The following SDC2 variants were observed in gnomAD, a reference collection of about 807,000 sequenced individuals.
The protein encoded by SDC2 is syndecan 2, also known as syndecan-2.
SDC2 carries 13 observed loss-of-function variants against 22.2 expected under a neutral mutation model. That is an observed-to-expected ratio of 0.59 (90% CI 0.38 to 0.93). The LOEUF is 0.93. SDC2 is among the 40% of genes least tolerant of loss of function. SDC2 has a pLI of 0.00. For synonymous variants in SDC2, 94 were observed against 92.8 expected, an observed-to-expected ratio of 1.01 and a Z score of -0.07; for missense variants, 235 against 246.8, an observed-to-expected ratio of 0.95 and a Z score of 0.32.
At chr8:96,593,095 A>G (rs993234062) in intron 1 of SDC2, among the ~76,000 whole-genome samples, 9 of 152,214 alleles carry the variant, frequency 5.9e-5, no homozygotes, top group African/African-American at 1.9e-4. Flanking sequence ...AGAAAGTCCT[A>G]AGTGTTTTGT....
chr8:96,504,577 A>G (rs1233795737), intron 1 of SDC2, among the ~76,000 whole-genome samples: 2 of 152,216 alleles, frequency 1.3e-5, no homozygotes, highest in African/African-American at 4.8e-5. Context: ...CTCAATAATG[A>G]CTAAAATCTT....
chr8:96,592,748 A>G (rs1393421417), intron 1 of SDC2, among the ~76,000 whole-genome samples: 1 of 152,230 alleles, frequency 6.6e-6, no homozygotes, highest in Non-Finnish European at 1.5e-5. Flanking sequence ...GTTGCCAGTA[A>G]TAGAAAAAGA....
chr8:96,594,495 T>G (rs752982357), intron 2 of SDC2, among the ~76,000 whole-genome samples: 2 of 152,174 alleles, frequency 1.3e-5, no homozygotes, highest in East Asian at 3.9e-4. Flanking sequence ...GCATCACTTT[T>G]ACTACATTTT....
chr8:96,518,186 C>T (rs908188834), intron 1 of SDC2, among the ~76,000 whole-genome samples: 1 of 151,860 alleles, frequency 6.6e-6, no homozygotes, highest in Non-Finnish European at 1.5e-5. Context: ...AGTTTTGTTT[C>T]GCTTCATGGT....
In SDC2 at chr8:96,609,528, A is replaced by G. The variant is rs757847988; in HGVS notation, c.586A>G (p.Thr196Ala). The G allele has an allele frequency of 3.1e-6, 5 of 1,598,566 alleles. No homozygotes were observed. The highest frequency in any genetic ancestry group is 1.1e-5 in the South Asian group (1 of 88,446). Reference protein sequence around the residue: ...PSSAAYQKAPTKEFYA With the variant: ...PSSAAYQKAPAKEFYA ...CAGTGCTGCTTATCAGAAGGCACCTACTAAGGAGTTTTATGCGTAAAACTC... is the reference window on the plus strand; with the variant it reads ...CAGTGCTGCTTATCAGAAGGCACCTGCTAAGGAGTTTTATGCGTAAAACTC... Residue 196 changes from threonine (T) to alanine (A), a missense_variant, in exon 5 of 5, where the codon ACT becomes GCT. Physicochemically the swap from Thr to Ala is moderately conservative, Grantham distance 58. Transcript: ENST00000302190.
intron 4 of SDC2, 139 bp from the exon 5 acceptor site, chr8:96,609,246 A>T (rs1815135905): frequency 4.7e-6 from 3 of 639,862 alleles, no homozygotes; most frequent in Non-Finnish European, 7.3e-6. Flanking sequence ...AGGTTGCTTC[A>T]TTGAATCCAG....
intron 1 of SDC2, among the ~76,000 whole-genome samples, chr8:96,535,831 G>T (rs1485766369): frequency 6.6e-6 from 1 of 152,226 alleles, no homozygotes; most frequent in Admixed American, 6.5e-5. Context: ...AAAGAAGCCT[G>T]CCTTAGAGGA....
chr8:96,543,822 T>G (rs1813889708), intron 1 of SDC2, among the ~76,000 whole-genome samples: 1 of 152,232 alleles, frequency 6.6e-6, no homozygotes. Flanking sequence ...GCGTGTTCCT[T>G]GTGTACTTAC....
At chr8:96,521,847 T>C (rs1235929111) in intron 1 of SDC2, among the ~76,000 whole-genome samples, 3 of 152,290 alleles carry the variant, frequency 2.0e-5, no homozygotes, top group East Asian at 3.9e-4. Context: ...GCTGTTCGTG[T>C]TTTGTTTGAT....
Position 96,593,579 on chromosome 8 carries a change from G to C in SDC2, c.160G>C (p.Ala54Pro). 1 of 1,611,174 alleles carries C rather than the reference G, an allele frequency of 6.2e-7. No homozygotes were observed. The highest frequency in any genetic ancestry group is 8.5e-7 in the Non-Finnish European group (1 of 1,177,440). ...TATTGATGACGATGACTACGCTTCT[G>C]CGTCTGGCTCGGGTAAGGTGGCTGC... ...YPIDDDDYAS[A>P]SGSGADEDVE... The change falls in exon 2 of 5, where the codon GCG becomes CCG. Residue 54 changes from alanine (A) to proline (P), a missense_variant. By Grantham distance (27) the Ala-to-Pro change is conservative (BLOSUM62 -1). Transcript: ENST00000302190.
At chr8:96,521,132 C>T (rs1466524017) in intron 1 of SDC2, among the ~76,000 whole-genome samples, 1 of 152,204 alleles carries the variant, frequency 6.6e-6, no homozygotes, top group Admixed American at 6.5e-5. Flanking sequence ...TGCAGCACCA[C>T]ATCCCTAATG....
intron 1 of SDC2, among the ~76,000 whole-genome samples, chr8:96,506,719 T>C (rs1813244634): frequency 6.6e-6 from 1 of 152,026 alleles, no homozygotes; most frequent in Non-Finnish European, 1.5e-5. Flanking sequence ...TTAGATCAAA[T>C]AGCCTTAGCT....
chr8:96,583,337 CAT>C (rs1293464859), intron 1 of SDC2, among the ~76,000 whole-genome samples: 2 of 145,948 alleles, frequency 1.4e-5, no homozygotes, highest in African/African-American at 2.5e-5. Flanking sequence ...TTATATATCA[CAT>C]ATAAAATATA....
At chr8:96,505,592 G>A (rs750918289) in intron 1 of SDC2, among the ~76,000 whole-genome samples, 17 of 152,122 alleles carry the variant, frequency 1.1e-4, no homozygotes, top group Non-Finnish European at 2.1e-4. Flanking sequence ...AAGCCACCGC[G>A]CCCGGCCTGG....
chr8:96,531,905 T>G (rs890958526), intron 1 of SDC2, among the ~76,000 whole-genome samples: 4 of 152,318 alleles, frequency 2.6e-5, no homozygotes, highest in African/African-American at 9.6e-5. Context: ...ACCACAAAAT[T>G]TATGTGCCAA....
chr8:96,494,454 C>A, intron 1 of SDC2, 123 bp downstream of exon 1: 1 of 851,002 alleles, frequency 1.2e-6, no homozygotes, highest in Non-Finnish European at 1.8e-6. Context: ...CACCGGAGAT[C>A]CGCTGGGACA....
chr8:96,536,841 G>A (rs1476211283), intron 1 of SDC2, among the ~76,000 whole-genome samples: 1 of 152,162 alleles, frequency 6.6e-6, no homozygotes, highest in South Asian at 2.1e-4. Context: ...TTCCTTCTGT[G>A]GCAATTGGAG....
intron 1 of SDC2, among the ~76,000 whole-genome samples, chr8:96,556,662 A>G (rs1170803811): frequency 2.0e-5 from 3 of 152,190 alleles, no homozygotes; most frequent in Non-Finnish European, 2.9e-5. Context: ...ACCTAAAACC[A>G]TAAAAACCCT....
chr8:96,500,678 A>C (rs1257838675), intron 1 of SDC2, among the ~76,000 whole-genome samples: 2 of 151,890 alleles, frequency 1.3e-5, no homozygotes, highest in East Asian at 3.9e-4. Context: ...AAAAAAAAAA[A>C]AAAGAGTGGA....
Sources: gnomAD v4.1 joint callset for allele counts (sites outside exome capture counted in the v4.1 genomes callset) on GRCh38, gnomAD v4.1.1 for gene constraint, MANE v1.5 for transcripts, NCBI Gene and HGNC (gene_info 2026-07-23, HGNC 2026-07-21) for gene names.